The following ABI3BP variants were observed in gnomAD, a reference collection of about 807,000 sequenced individuals.
The protein encoded by ABI3BP is ABI family member 3 binding protein, also known as target of Nesh-SH3.
Under a neutral mutation model 268.6 loss-of-function variants are expected in ABI3BP, and 216 were observed. The ratio of observed to expected loss-of-function variants is 0.80; its 90% CI spans 0.72 to 0.90. The LOEUF (loss-of-function observed/expected upper bound fraction) is 0.90. Ranked by LOEUF, ABI3BP falls within the 40% of genes least tolerant of loss-of-function variation. The pLI is 0.00. For missense variants in ABI3BP, 2,090 were observed against 2,182.4 expected, an observed-to-expected ratio of 0.96 and a Z score of 0.84; for synonymous variants, 730 against 730.0, an observed-to-expected ratio of 1.00 and a Z score of 0.00.
chr3:100,843,789 A>C, intron 20 of ABI3BP: 3 of 984,654 alleles, frequency 3.0e-6, no homozygotes, highest in Non-Finnish European at 3.6e-6. Context: ...CAAACAAAAA[A>C]TTATTTTGAA....
intron 12 of ABI3BP, 180 bp downstream of exon 12, chr3:100,863,822 A>T: frequency 1.8e-6 from 1 of 557,484 alleles, no homozygotes; most frequent in Non-Finnish European, 3.2e-6. Flanking sequence ...CACTTAAAAG[A>T]AAAACAACCC....
chr3:100,921,293 C>T lies in ABI3BP; in HGVS notation c.259+5009G>A, dbSNP rs958835287. On this transcript the variant is annotated intron_variant, in intron 2 of 67. Coordinates refer to ENST00000471714, the MANE Select transcript of ABI3BP (RefSeq NM_001375547.2). Reference sequence around the variant, plus strand: ...TAAGGATACTAAAGCAATTCTTCAACGTGCACCACATAACTGTGGCTGTAG... The same window carrying T: ...TAAGGATACTAAAGCAATTCTTCAATGTGCACCACATAACTGTGGCTGTAG... Among the ~76,000 whole-genome samples the T allele has an allele frequency of 3.3e-5, 5 of 152,162 alleles. No individual in the cohort carries two copies. The South Asian group carries it at 8.3e-4, about 25-fold the overall frequency.
chr3:100,808,037 G>A, intron 50 of ABI3BP, 124 bp downstream of exon 50: 1 of 834,228 alleles, frequency 1.2e-6, no homozygotes, highest in Non-Finnish European at 2.0e-6. Context: ...TTAGGTTACA[G>A]AGGAAGACTT....
At chr3:100,951,492 T>G (rs2713752) in intron 1 of ABI3BP, among the ~76,000 whole-genome samples, 150,581 of 152,000 alleles carry the variant, frequency 0.99, 74,620 homozygotes, top group East Asian at 1. Flanking sequence ...TCTGATATCT[T>G]AACCTCTATT....
At chr3:100,771,684 TCAAAGA>T (rs1348202597) in intron 61 of ABI3BP, among the ~76,000 whole-genome samples, 4 of 151,870 alleles carry the variant, frequency 2.6e-5, no homozygotes, top group Non-Finnish European at 5.9e-5. Context: ...ATTAGTGAAC[TCAAAGA>T]CATAGCAATA....
At chr3:100,795,375 G>A (rs529130868) in intron 53 of ABI3BP, among the ~76,000 whole-genome samples, 17 of 151,984 alleles carry the variant, frequency 1.1e-4, no homozygotes, top group Non-Finnish European at 1.6e-4. Flanking sequence ...TCATCTCCTT[G>A]AGTCTGCTTG....
At chr3:100,771,467 A>G (rs981989587) in intron 61 of ABI3BP, among the ~76,000 whole-genome samples, 2 of 152,168 alleles carry the variant, frequency 1.3e-5, no homozygotes, top group Non-Finnish European at 2.9e-5. Context: ...AAAAAAATCA[A>G]TCATTTGAAA....
chr3:100,934,990 G>A (rs908021110), intron 1 of ABI3BP, among the ~76,000 whole-genome samples: 15 of 151,888 alleles, frequency 9.9e-5, no homozygotes, highest in Admixed American at 5.9e-4. Flanking sequence ...AATCAGATCC[G>A]ATTTCTCTAT....
Position 100,803,582 on chromosome 3 carries a change from A to G in ABI3BP, c.3757+1210T>C, listed in dbSNP as rs562573591. Among the ~76,000 whole-genome samples, 122 of 115,964 alleles carry G rather than the reference A, an allele frequency of 1.1e-3. 12 individuals carry two copies. The Middle Eastern group carries it at 0.031, about 30-fold the overall frequency. 76.1% of individuals were successfully genotyped at this position (115,964 alleles called of 152,430 possible). On this transcript the variant is annotated intron_variant, in intron 51 of 67. Coordinates refer to ENST00000471714, the MANE Select transcript of ABI3BP (RefSeq NM_001375547.2). ...GGCAAATATTAAATATTAAAAGAGG[A>G]AAAAACTTAACTATTCAATATATTG...
At chr3:100,880,141 C>CTT (rs1465119290) in intron 6 of ABI3BP, among the ~76,000 whole-genome samples, 1 of 152,180 alleles carries the variant, frequency 6.6e-6, no homozygotes, top group Non-Finnish European at 1.5e-5. Flanking sequence ...TTACGAACAG[C>CTT]TATTAATGTA....
chr3:100,801,370 G>C (rs539425099), intron 51 of ABI3BP, among the ~76,000 whole-genome samples: 48 of 143,298 alleles, frequency 3.3e-4, no homozygotes, highest in African/African-American at 1.3e-3. Flanking sequence ...CGAGGCTGCA[G>C]TGAGCTATGA....
In ABI3BP at chr3:100,821,046, G is replaced by T; in HGVS notation, c.2947+8C>A. On this transcript the variant is annotated splice_region_variant and intron_variant, in intron 39 of 67. Coordinates refer to ENST00000471714, the MANE Select transcript of ABI3BP (RefSeq NM_001375547.2). ...GAACACTTAATGAGGATTGCAACGT[G>T]CTATTACCTTGTGTTGTCACCCAAG... 6.5e-7 allele frequency: 1 copy of T among 1,534,442 alleles called. No individual in the cohort carries two copies. The highest frequency in any genetic ancestry group is 8.7e-7 in the Non-Finnish European group (1 of 1,145,424).
intron 4 of ABI3BP, among the ~76,000 whole-genome samples, chr3:100,897,570 T>C (rs1394010710): frequency 6.6e-6 from 1 of 152,186 alleles, no homozygotes; most frequent in Non-Finnish European, 1.5e-5. Context: ...AAACCCATAC[T>C]ATATGACTCC....
intron 43 of ABI3BP, 198 bp downstream of exon 43, chr3:100,816,490 G>A (rs1365014216): frequency 3.1e-6 from 2 of 653,542 alleles, no homozygotes; most frequent in Non-Finnish European, 5.5e-6. Context: ...AGGAGATCAG[G>A]CACACAAGTG....
chr3:100,782,830 T>C (rs944598812), intron 57 of ABI3BP, among the ~76,000 whole-genome samples: 3 of 152,134 alleles, frequency 2.0e-5, no homozygotes, highest in African/African-American at 4.8e-5. Flanking sequence ...TTCTCAGGAA[T>C]TGGCACCCAA....
intron 9 of ABI3BP, among the ~76,000 whole-genome samples, chr3:100,869,281 A>G (rs571118528): frequency 1.0e-4 from 14 of 135,772 alleles, no homozygotes; most frequent in African/African-American, 2.8e-4. Context: ...TATTCTTTCT[A>G]TATTACTAAC....
chr3:100,862,253 A>C, intron 14 of ABI3BP, 58 bp downstream of exon 14: 1 of 1,163,150 alleles, frequency 8.6e-7, no homozygotes, highest in Non-Finnish European at 1.2e-6. Context: ...TATAAAAACA[A>C]TAAGTTACTC....
chr3:100,762,923 G>A (rs2096056534), intron 63 of ABI3BP, among the ~76,000 whole-genome samples: 1 of 152,100 alleles, frequency 6.6e-6, no homozygotes, highest in Non-Finnish European at 1.5e-5. Context: ...CAACTCCTAA[G>A]TCATGATCCA....
intron 52 of ABI3BP, 22 bp downstream of exon 52, chr3:100,796,387 A>G (rs1282419519): frequency 3.9e-6 from 6 of 1,550,732 alleles, no homozygotes; most frequent in Non-Finnish European, 5.2e-6. Flanking sequence ...TCTTAGCCAG[A>G]AGGATGAAAT....
Sources: gnomAD v4.1 joint callset for allele counts (sites outside exome capture counted in the v4.1 genomes callset) on GRCh38, gnomAD v4.1.1 for gene constraint, MANE v1.5 for transcripts, NCBI Gene and HGNC (gene_info 2026-07-23, HGNC 2026-07-21) for gene names.